PRELID2: variants seen among roughly 807,000 people sequenced by gnomAD.
The protein encoded by PRELID2 is PRELI domain-containing protein 2.
In PRELID2, 25 loss-of-function variants were observed where a neutral mutation model predicts 28.4. That is an observed-to-expected ratio of 0.88 (90% CI 0.64 to 1.23). The LOEUF (loss-of-function observed/expected upper bound fraction) is 1.23, where lower values mean the gene tolerates loss of function less well. PRELID2 is among the 50% of genes most tolerant of loss of function. The pLI is 0.00. For missense variants in PRELID2, 201 were observed against 214.4 expected (o/e 0.94, Z 0.39); for synonymous variants, 76 against 71.6 (o/e 1.06, Z -0.31).
chr5:145,416,962 AG>A, the PRELID2 span, among the ~76,000 whole-genome samples: 1 of 152,032 alleles, frequency 6.6e-6, no homozygotes, highest in Non-Finnish European at 1.5e-5. Context: ...AGATAAAACT[AG>A]TTTTCAAAAA....
chr5:145,787,834 C>A (rs1752101952), intron 5 of PRELID2, among the ~76,000 whole-genome samples: 1 of 152,160 alleles, frequency 6.6e-6, no homozygotes, highest in Non-Finnish European at 1.5e-5. Flanking sequence ...AGCCACCACA[C>A]CCTGCTATCT....
At chr5:145,806,352 C>T (rs948271017) in intron 4 of PRELID2, among the ~76,000 whole-genome samples, 4 of 152,060 alleles carry the variant, frequency 2.6e-5, no homozygotes, top group Admixed American at 6.6e-5. Context: ...CAAAAACACA[C>T]ACATTAGCCT....
chr5:145,648,033 G>A (rs1337309373), intron 1 of PRELID2, among the ~76,000 whole-genome samples: 1 of 152,312 alleles, frequency 6.6e-6, no homozygotes, highest in South Asian at 2.1e-4. Flanking sequence ...CACGACTAGG[G>A]AAGACAGACA....
the PRELID2 span, among the ~76,000 whole-genome samples, chr5:145,414,853 T>C: frequency 4.6e-5 from 7 of 152,200 alleles, no homozygotes; most frequent in Non-Finnish European, 1.5e-5. Flanking sequence ...TTCATTTGAA[T>C]ATGTCCACAT....
chr5:145,306,650 A>G, the PRELID2 span, among the ~76,000 whole-genome samples: 2 of 152,058 alleles, frequency 1.3e-5, no homozygotes, highest in African/African-American at 4.8e-5. Flanking sequence ...AATCTTTTAC[A>G]GTACTATTAT....
At chr5:145,416,475 C>G in the PRELID2 span, among the ~76,000 whole-genome samples, 1 of 151,912 alleles carries the variant, frequency 6.6e-6, no homozygotes, top group African/African-American at 2.4e-5. Flanking sequence ...TCAGAGTGAA[C>G]AGGCAACCTA....
the PRELID2 span, among the ~76,000 whole-genome samples, chr5:145,328,893 G>T: frequency 2.0e-5 from 3 of 152,068 alleles, no homozygotes; most frequent in East Asian, 5.8e-4. Flanking sequence ...TTATTCTAGG[G>T]ATTTTATGAT....
At chr5:145,730,930 C>A (rs528442914) in intron 1 of PRELID2, among the ~76,000 whole-genome samples, 34 of 152,272 alleles carry the variant, frequency 2.2e-4, no homozygotes, top group South Asian at 6.2e-4. Context: ...CATTCCAACC[C>A]CACCATAAAA....
chr5:145,438,551 C>T, the PRELID2 span, among the ~76,000 whole-genome samples: 1 of 152,106 alleles, frequency 6.6e-6, no homozygotes, highest in Non-Finnish European at 1.5e-5. Flanking sequence ...CGAATATAAA[C>T]TGTCAGGATT....
chr5:145,577,063 G>A (rs1456624292), intron 1 of PRELID2, among the ~76,000 whole-genome samples: 1 of 152,074 alleles, frequency 6.6e-6, no homozygotes, highest in Admixed American at 6.6e-5. Flanking sequence ...TAGGGACCCT[G>A]CCAGCCAGCC....
the PRELID2 span, among the ~76,000 whole-genome samples, chr5:145,316,273 G>A: frequency 1.3e-4 from 20 of 152,318 alleles, no homozygotes; most frequent in African/African-American, 3.6e-4. Context: ...TAATCATGCA[G>A]AGCACAAAAG....
At chr5:145,762,532 C>T (rs924022309) in intron 6 of PRELID2, among the ~76,000 whole-genome samples, 1 of 152,070 alleles carries the variant, frequency 6.6e-6, no homozygotes, top group African/African-American at 2.4e-5. Flanking sequence ...ACAGTGAGAC[C>T]ATGTCTCAAA....
rs35401852 is a variant in PRELID2 at position 145,604,882 on chromosome 5, C to CATATATATATATATATAT, written n.71-131585_71-131568dup. ...ACCATATTTTAATATGCTTGTTGGC[C>CATATATATATATATATAT]ATATATATATATATATATATATTCT... On this transcript the variant is annotated intron_variant and non_coding_transcript_variant, in intron 1 of 2. Transcript: ENST00000510259. Among the ~76,000 whole-genome samples, 613 of 115,950 alleles carry CATATATATATATATATAT rather than the reference C, an allele frequency of 5.3e-3. 20 individuals are homozygous for CATATATATATATATATAT. The highest frequency in any genetic ancestry group is 0.022 in the African/African-American group (573 of 26,164). 76.1% of individuals were successfully genotyped at this position (115,950 alleles called of 152,430 possible). A position where few individuals can be genotyped will look rare whatever the true frequency, so the allele number is the denominator to read the frequency against.
chr5:145,730,840 G>A (rs575103056), intron 1 of PRELID2, among the ~76,000 whole-genome samples: 2 of 151,732 alleles, frequency 1.3e-5, no homozygotes, highest in African/African-American at 4.8e-5. Flanking sequence ...CCCTCCAGCT[G>A]GGAAGATGCC....
At chr5:145,702,484 T>C (rs1267175014) in intron 1 of PRELID2, among the ~76,000 whole-genome samples, 3 of 152,230 alleles carry the variant, frequency 2.0e-5, no homozygotes, top group Non-Finnish European at 4.4e-5. Context: ...CCCTACTTCA[T>C]GTGGTCCTTG....
At chr5:145,431,478 TAACTGCACAATGAAGA>T in the PRELID2 span, among the ~76,000 whole-genome samples, 3 of 152,164 alleles carry the variant, frequency 2.0e-5, no homozygotes, top group Non-Finnish European at 2.9e-5. Context: ...GGGAAAAGTG[TAACTGCACAATGAAGA>T]AGTCTGACTG....
At chr5:145,530,036 A>G (rs936384218) in intron 1 of PRELID2, among the ~76,000 whole-genome samples, 5 of 152,130 alleles carry the variant, frequency 3.3e-5, no homozygotes, top group African/African-American at 1.2e-4. Context: ...TTTATGTCTC[A>G]GATAACTTCA....
intron 1 of PRELID2, among the ~76,000 whole-genome samples, chr5:145,614,713 T>G (rs1753669776): frequency 1.3e-5 from 2 of 152,308 alleles, no homozygotes; most frequent in South Asian, 4.1e-4. Context: ...ATTTATACGT[T>G]CTAGAAGCTC....
chr5:145,763,267 A>G (rs941201413), intron 6 of PRELID2, among the ~76,000 whole-genome samples: 1 of 152,196 alleles, frequency 6.6e-6, no homozygotes, highest in Non-Finnish European at 1.5e-5. Flanking sequence ...CCTCACAAAT[A>G]TGCTAGCCGA....
Sources: gnomAD v4.1 joint callset for allele counts (sites outside exome capture counted in the v4.1 genomes callset) on GRCh38, gnomAD v4.1.1 for gene constraint, MANE v1.5 for transcripts, NCBI Gene and HGNC (gene_info 2026-07-23, HGNC 2026-07-21) for gene names.